MYH11: variants seen among roughly 807,000 people sequenced by gnomAD.
The protein encoded by MYH11 is myosin heavy chain 11.
Under a neutral mutation model 246.6 loss-of-function variants are expected in MYH11, and 80 were observed. The observed-to-expected ratio is 0.32, with a 90% confidence interval of 0.27 to 0.39. MYH11 has a LOEUF of 0.39. Ranked by LOEUF, MYH11 falls within the 10% of genes least tolerant of loss-of-function variation. The pLI, the probability that MYH11 is intolerant of heterozygous loss-of-function variation, is 1.00. For missense variants in MYH11, 2,158 were observed against 2,546.8 expected, an observed-to-expected ratio of 0.85 and a Z score of 3.29; for synonymous variants, 1,071 against 1,015.5, an observed-to-expected ratio of 1.05 and a Z score of -1.04.
intron 15 of MYH11, among the ~76,000 whole-genome samples, chr16:15,753,126 G>A (rs545818657): frequency 1.4e-4 from 22 of 152,218 alleles, no homozygotes; most frequent in Admixed American, 6.5e-4. Context: ...CTAACTCCCC[G>A]TGCCTGGCAT....
At position 15,783,707 on chromosome 16, in the gene MYH11, G is replaced by A. The variant is rs980513245; in HGVS notation, c.634-1230C>T. Among the ~76,000 whole-genome samples, 2 of 152,240 alleles carry A rather than the reference G, an allele frequency of 1.3e-5. 1 individual carries two copies. The highest frequency in any genetic ancestry group is 4.2e-4 in the South Asian group (2 of 4,814). On this transcript the variant is annotated intron_variant, in intron 5 of 40. Transcript: ENST00000300036. Reference sequence around the variant, plus strand: ...TGGGGTCTCCATGCTCTCTGAAAAAGGCTCCCTTTCTAGAATGGGGATTCT... The same window carrying A: ...TGGGGTCTCCATGCTCTCTGAAAAAAGCTCCCTTTCTAGAATGGGGATTCT...
intron 40 of MYH11, among the ~76,000 whole-genome samples, chr16:15,705,352 C>T (rs780809087): frequency 3.3e-5 from 5 of 152,278 alleles, no homozygotes; most frequent in East Asian, 1.9e-4. Context: ...CTCCTCTCTG[C>T]GCTGGTTCTC....
chr16:15,718,467 C>T (rs1460422435), intron 36 of MYH11, 29 bp from the exon 37 acceptor site: 1 of 1,541,056 alleles, frequency 6.5e-7, no homozygotes, highest in South Asian at 1.2e-5. Flanking sequence ...TGGTGGGGGC[C>T]TCTACCCTCC....
intron 3 of MYH11, among the ~76,000 whole-genome samples, chr16:15,820,475 GAAAAAA>G (rs199534515): frequency 1.8e-4 from 19 of 104,374 alleles, no homozygotes; most frequent in African/African-American, 6.1e-4. Context: ...ACTCCATCCG[GAAAAAA>G]AAAAAAAAAA....
intron 3 of MYH11, among the ~76,000 whole-genome samples, chr16:15,805,670 G>A (rs976782478): frequency 6.6e-6 from 1 of 152,194 alleles, no homozygotes; most frequent in Non-Finnish European, 1.5e-5. Flanking sequence ...CCAGCACTTT[G>A]GGAAGCTGAG....
chr16:15,799,584 T>C (rs7186608), intron 3 of MYH11, among the ~76,000 whole-genome samples: 74,151 of 152,108 alleles, frequency 0.49, 21,836 homozygotes, highest in African/African-American at 0.83. Flanking sequence ...GCAGACATTA[T>C]CCATCACCTT....
At chr16:15,747,296 A>G (rs916905813) in intron 19 of MYH11, among the ~76,000 whole-genome samples, 4 of 152,178 alleles carry the variant, frequency 2.6e-5, no homozygotes, top group Admixed American at 6.5e-5. Context: ...AAAAACTGGA[A>G]GCTCAGAGAG....
Position 15,838,117 on chromosome 16 carries a change from C to G in MYH11, c.136G>C (p.Glu46Gln), listed in dbSNP as rs866047937. The G allele has an allele frequency of 6.2e-7, 1 of 1,614,070 alleles. No homozygotes were observed. The highest frequency in any genetic ancestry group is 2.2e-5 in the East Asian group (1 of 44,876). Residue 46 changes from glutamate to glutamine, a missense_variant, in exon 2 of 41, where the codon GAG (glutamate) becomes CAG (glutamine). By Grantham distance (29) the Glu-to-Gln change is conservative. Around this residue, in one of 11 missense-constraint regions of MYH11, gnomAD observed 96 missense variants for 91.9 expected, o/e 1.04. Coordinates refer to ENST00000300036, the MANE Select transcript of MYH11 (RefSeq NM_002474.3). ...TTCTCCTCCTTAATGCTGGCTGCCT[C>G]GAAGCCCTGCTTCTCCGAGGGGACC... ...VWVPSEKQGF[E>Q]AASIKEEKGD...
Position 15,732,663 on chromosome 16 carries a change from A to C in MYH11, c.3552T>G (p.Asp1184Glu), listed in dbSNP as rs2041002895. 6.2e-7 allele frequency: 1 copy of C among 1,614,208 alleles called. No homozygotes were observed. Among genetic ancestry groups the C allele is most frequent in the Non-Finnish European group, 8.5e-7 (1 of 1,180,042 alleles). ...GAGCCTCATGGGACCGCGTCTCTTC[A>C]TCCAGGGCCTTCTTCAGCACCGTCA... ...QEVTVLKKAL[D>E]EETRSHEAQV... The change falls in exon 27 of 41, where the codon GAT becomes GAG. Residue 1184 changes from aspartate (D) to glutamate (E), a missense_variant. By Grantham distance (45) the Asp-to-Glu change is conservative. Around this residue, in one of 11 missense-constraint regions of MYH11, gnomAD observed 34 missense variants for 70.4 expected, o/e 0.48. Transcript: ENST00000300036.
intron 4 of MYH11, chr16:15,792,662 G>A (rs566782229): frequency 3.0e-4 from 45 of 152,240 alleles, no homozygotes; most frequent in African/African-American, 8.7e-4. Context: ...TGACCCACTG[G>A]TTAAACTTTG....
chr16:15,723,701 G>A (rs966952877), intron 31 of MYH11, among the ~76,000 whole-genome samples: 8 of 152,210 alleles, frequency 5.3e-5, no homozygotes, highest in African/African-American at 1.7e-4. Context: ...GAATCCAGGT[G>A]GTGGCCTTAA....
At chr16:15,845,148 C>T (rs1180363467) in intron 1 of MYH11, among the ~76,000 whole-genome samples, 3 of 152,172 alleles carry the variant, frequency 2.0e-5, no homozygotes, top group Admixed American at 1.3e-4. Flanking sequence ...AACGGGTGCC[C>T]TGCAGAGCTG....
intron 2 of MYH11, among the ~76,000 whole-genome samples, chr16:15,826,066 C>T (rs1292361603): frequency 6.6e-6 from 1 of 152,136 alleles, no homozygotes; most frequent in Admixed American, 6.5e-5. Context: ...GCCTGGCCCG[C>T]CCCCAGGTAT....
intron 1 of MYH11, among the ~76,000 whole-genome samples, chr16:15,841,661 A>G (rs2044054669): frequency 6.6e-6 from 1 of 152,132 alleles, no homozygotes; most frequent in South Asian, 2.1e-4. Flanking sequence ...GAGGAGAGGG[A>G]CAGAGACAAC....
chr16:15,786,601 A>G (rs2042474989), intron 5 of MYH11, 29 bp downstream of exon 5: 1 of 1,602,338 alleles, frequency 6.2e-7, no homozygotes, highest in South Asian at 1.1e-5. Flanking sequence ...TGGCTAAATC[A>G]TGGCCTCTGA....
Position 15,718,451 on chromosome 16 carries a change from C to A in MYH11, c.5172-13G>T. 1 of 1,549,502 alleles carries A rather than the reference C, an allele frequency of 6.5e-7. No individual in the cohort carries two copies. The highest frequency in any genetic ancestry group is 1.2e-5 in the South Asian group (1 of 86,504). On this transcript the variant is annotated splice_polypyrimidine_tract_variant and intron_variant, in intron 36 of 40. Coordinates refer to ENST00000300036, the MANE Select transcript of MYH11 (RefSeq NM_002474.3). ...CTGGAGTGCGTTCCTGGGGGAAGGG[C>A]GGCCATGGTGGGGGCCTCTACCCTC...
At chr16:15,832,474 C>A (rs186087595) in intron 2 of MYH11, among the ~76,000 whole-genome samples, 1 of 152,134 alleles carries the variant, frequency 6.6e-6, no homozygotes, top group African/African-American at 2.4e-5. Context: ...GTGAGGTCTG[C>A]GGAAAAGCAG....
chr16:15,713,561 T>TCATG, intron 40 of MYH11: 1 of 152,196 alleles, frequency 6.6e-6, no homozygotes, highest in South Asian at 2.1e-4. Context: ...ATTGGCTAGA[T>TCATG]CATGGCTCAC....
At position 15,726,050 on chromosome 16, in the gene MYH11, G is replaced by A. The variant is rs2040739111; in HGVS notation, c.3858+798C>T. The A allele has an allele frequency of 2.4e-5, 5 of 211,366 alleles. 1 individual carries two copies. The highest frequency in any genetic ancestry group is 5.9e-5 in the Admixed American group (1 of 16,874). The allele number at this position is 211,366 out of a possible 1,614,324, so 13.1% of individuals were successfully genotyped here. ...TACTTACCACAGGGCCTTTGCACACGCTGTTCCCTCTGCCTGGTAGACTTA... is the reference window on the plus strand; with the variant it reads ...TACTTACCACAGGGCCTTTGCACACACTGTTCCCTCTGCCTGGTAGACTTA... On this transcript the variant is annotated intron_variant, in intron 28 of 40. Coordinates refer to ENST00000300036, the MANE Select transcript of MYH11 (RefSeq NM_002474.3).
Sources: allele counts gnomAD v4.1 joint callset (sites outside exome capture counted in the v4.1 genomes callset), GRCh38; gene constraint gnomAD v4.1.1; regional missense constraint gnomAD v4.1.1; transcripts MANE v1.5; gene names NCBI Gene and HGNC (gene_info 2026-07-23, HGNC 2026-07-21).